NXF1: variants seen among roughly 807,000 people sequenced by gnomAD.
NXF1 encodes nuclear RNA export factor 1.
In NXF1, 43 loss-of-function variants were observed where a neutral mutation model predicts 92.4. The ratio of observed to expected loss-of-function variants is 0.47; its 90% CI spans 0.36 to 0.60. The LOEUF is 0.60. Ranked by LOEUF, NXF1 falls within the 20% of genes least tolerant of loss-of-function variation. The pLI, the probability that NXF1 is intolerant of heterozygous loss-of-function variation, is 0.00. For synonymous variants in NXF1, 288 were observed against 292.2 expected, an observed-to-expected ratio of 0.99 and a Z score of 0.15; for missense variants, 576 against 793.0, an observed-to-expected ratio of 0.73 and a Z score of 3.29.
At chr11:62,804,020 G>A (rs2084508091) in intron 1 of NXF1, 42 bp from the exon 2 acceptor site, 1 of 1,603,270 alleles carries the variant, frequency 6.2e-7, no homozygotes, top group Non-Finnish European at 8.5e-7. Flanking sequence ...GTAAGTAACT[G>A]GTCCGGTTTG....
intron 9 of NXF1, 137 bp downstream of exon 9, chr11:62,800,957 C>G: frequency 1.4e-6 from 1 of 690,370 alleles, no homozygotes; most frequent in Non-Finnish European, 2.5e-6. Context: ...GCCTTGGCCT[C>G]CCAAAGTGTT....
Position 62,803,897 on chromosome 11 carries a change from T to G in NXF1, c.110A>C (p.Asn37Thr), listed in dbSNP as rs1437473466. ...AGAACCGCCTCTTCCAGACCTACGG[T>G]TTCCTTCACCATATTTCCACCGGAA... Reference protein sequence around the residue: ...GPFRWKYGEGNRRSGRGGSGI... With the variant: ...GPFRWKYGEGTRRSGRGGSGI... Residue 37 changes from asparagine (N) to threonine (T), a missense_variant, in exon 2 of 21, where the codon AAC becomes ACC. Asn to Thr is a moderately conservative substitution (Grantham distance 65). Coordinates refer to ENST00000294172, the MANE Select transcript of NXF1 (RefSeq NM_006362.5). The G allele has an allele frequency of 1.2e-6, 2 of 1,614,076 alleles. No homozygotes were observed. Among genetic ancestry groups the G allele is most frequent in the African/African-American group, 1.3e-5 (1 of 74,924 alleles).
chr11:62,792,270 A>T lies in NXF1; in HGVS notation c.*206T>A. On this transcript the variant is annotated 3_prime_UTR_variant, in exon 21 of 21. Coordinates refer to ENST00000294172, the MANE Select transcript of NXF1 (RefSeq NM_006362.5). ...TAGTTTAGTGTCAGTTCTACAAAGT[A>T]AGCTTTGGCTTCCTGGCACCAGTGA... The T allele has an allele frequency of 2.7e-6, 2 of 728,488 alleles. No individual in the cohort carries two copies. The highest frequency in any genetic ancestry group is 1.7e-5 in the South Asian group (1 of 60,218). 45.1% of individuals were successfully genotyped at this position (728,488 alleles called of 1,614,324 possible).
chr11:62,796,543 T>TCCAGAGTC lies in NXF1; in HGVS notation c.1195_1202dup (p.Asp402ThrfsTer20). ...AGGCATCCAGGAGCCCTTGTCGGTC[T>TCCAGAGTC]CCAGAGTCGTAAATTGCATAGTACC... On this transcript the variant is annotated frameshift_variant, in exon 14 of 21. Transcript: ENST00000294172. LOFTEE classifies it high-confidence loss of function. The TCCAGAGTC allele has an allele frequency of 6.2e-7, 1 of 1,613,702 alleles. No homozygotes were observed. The highest frequency in any genetic ancestry group is 8.5e-7 in the Non-Finnish European group (1 of 1,179,694).
intron 13 of NXF1, chr11:62,796,976 A>C: frequency 1.7e-6 from 1 of 585,672 alleles, no homozygotes; most frequent in South Asian, 2.0e-5. Flanking sequence ...CTGAGGCAGG[A>C]GAATCACTTG....
At chr11:62,798,723 T>C (rs751518547) in intron 10 of NXF1, 148 bp from the exon 11 acceptor site, 2 of 1,453,836 alleles carry the variant, frequency 1.4e-6, no homozygotes, top group Non-Finnish European at 9.0e-7. Flanking sequence ...CAGGGAAAAA[T>C]GGCCCCCACT....
rs1308574056 is a variant in NXF1, at chr11:62,795,013, A to G, written c.1505-6T>C. 5 of 1,613,948 alleles carry G rather than the reference A, an allele frequency of 3.1e-6. No homozygotes were observed. The highest frequency in any genetic ancestry group is 1.1e-5 in the South Asian group (1 of 91,082). ...ATCCCGGGACTTTCCGTCCACTGCA[A>G]TAAGAACAGCAACAACACCTTAGGG... On this transcript the variant is annotated splice_region_variant and splice_polypyrimidine_tract_variant and intron_variant, in intron 17 of 20. Coordinates refer to ENST00000294172, the MANE Select transcript of NXF1 (RefSeq NM_006362.5).
intron 19 of NXF1, 26 bp from the exon 20 acceptor site, chr11:62,792,727 G>GT: frequency 6.2e-7 from 1 of 1,612,786 alleles, no homozygotes; most frequent in Non-Finnish European, 8.5e-7. Context: ...AGGCAGCTCT[G>GT]TAAGAACTCT....
chr11:62,795,116 A>G (rs1033360996), intron 17 of NXF1, 109 bp from the exon 18 acceptor site: 9 of 1,060,230 alleles, frequency 8.5e-6, no homozygotes, highest in Non-Finnish European at 1.0e-5. Context: ...GTCAGAGAGG[A>G]ATGATTAAGT....
chr11:62,793,960 C>T lies in NXF1; in HGVS notation c.1760+298G>A, dbSNP rs188140949. Among the ~76,000 whole-genome samples, 81 of 150,910 alleles carry T rather than the reference C, an allele frequency of 5.4e-4. 1 individual carries two copies. Among genetic ancestry groups the T allele is most frequent in the African/African-American group, 1.9e-3 (76 of 41,018 alleles). On this transcript the variant is annotated intron_variant, in intron 19 of 20. Coordinates refer to ENST00000294172, the MANE Select transcript of NXF1 (RefSeq NM_006362.5). ...AGGTTACAATGAGCCAAGATCGCAC[C>T]ACTGCACTCCAGCCTGGGCAACATA...
chr11:62,794,612 A>G (rs1418369064), intron 18 of NXF1, 172 bp from the exon 19 acceptor site: 40 of 635,578 alleles, frequency 6.3e-5, no homozygotes, highest in Non-Finnish European at 5.1e-5. Flanking sequence ...AGGATTATCT[A>G]CTAAACACAC....
chr11:62,796,930 A>G, intron 13 of NXF1: 2 of 564,264 alleles, frequency 3.5e-6, no homozygotes, highest in Non-Finnish European at 6.3e-6. Context: ...AGCCAGGTGC[A>G]GTGGCACACA....
chr11:62,799,088 G>A, intron 10 of NXF1: 2 of 986,130 alleles, frequency 2.0e-6, no homozygotes, highest in Non-Finnish European at 2.4e-6. Context: ...AGGAAAAGGA[G>A]GAAAAAGAGA....
intron 11 of NXF1, 68 bp from the exon 12 acceptor site, chr11:62,797,454 C>G: frequency 7.1e-7 from 1 of 1,406,568 alleles, no homozygotes; most frequent in Non-Finnish European, 9.9e-7. Flanking sequence ...GATCCCAGAA[C>G]TTTGGGAGGC....
chr11:62,805,220 G>C, intron 1 of NXF1, 109 bp downstream of exon 1: 1 of 1,072,474 alleles, frequency 9.3e-7, no homozygotes, highest in Non-Finnish European at 1.2e-6. Context: ...GCCGCTCCCC[G>C]CGGACGCCGG....
chr11:62,800,189 G>C, intron 10 of NXF1, 188 bp downstream of exon 10: 1 of 1,414,872 alleles, frequency 7.1e-7, no homozygotes, highest in Non-Finnish European at 9.2e-7. Context: ...GAAGAGAAGA[G>C]AGAACATCTC....
chr11:62,803,613 A>G, intron 2 of NXF1, 41 bp from the exon 3 acceptor site: 4 of 1,612,404 alleles, frequency 2.5e-6, no homozygotes, highest in Non-Finnish European at 3.4e-6. Flanking sequence ...AAATGCTAGG[A>G]AAGTCTTCTC....
chr11:62,792,534 A>G lies in NXF1; in HGVS notation c.1822-20T>C. 6.2e-7 allele frequency: 1 copy of G among 1,614,244 alleles called. No individual in the cohort carries two copies. Among genetic ancestry groups the G allele is most frequent in the Non-Finnish European group, 8.5e-7 (1 of 1,180,042 alleles). ...CTTGGCCTGGAGAAAAATGAAGGTC[A>G]GTAGAGGTAGGCCTACCCTCGCCAC... On this transcript the variant is annotated intron_variant, in intron 20 of 20. Coordinates refer to ENST00000294172, the MANE Select transcript of NXF1 (RefSeq NM_006362.5).
At chr11:62,805,056 A>G (rs2084520443) in intron 1 of NXF1, 2 of 345,860 alleles carry the variant, frequency 5.8e-6, no homozygotes, top group Non-Finnish European at 1.0e-5. Context: ...AACCTAACTG[A>G]CAGGCATCAA....
Sources: gnomAD v4.1 joint callset for allele counts (sites outside exome capture counted in the v4.1 genomes callset) on GRCh38, gnomAD v4.1.1 for gene constraint, MANE v1.5 for transcripts, NCBI Gene and HGNC (gene_info 2026-07-23, HGNC 2026-07-21) for gene names.